Variants in GRM5 observed in about 807,000 individuals in gnomAD.
The protein encoded by GRM5 is glutamate metabotropic receptor 5, also known as metabotropic glutamate receptor 5.
A neutral mutation model predicts 83.1 loss-of-function variants in GRM5; 19 were observed. The ratio of observed to expected loss-of-function variants is 0.23; its 90% CI spans 0.16 to 0.34. The LOEUF (loss-of-function observed/expected upper bound fraction) is 0.34, where lower values mean the gene tolerates loss of function less well. Ranked by LOEUF, GRM5 falls within the 10% of genes least tolerant of loss-of-function variation. GRM5 has a pLI of 1.00. For missense variants in GRM5, 1,160 were observed against 1,588.3 expected, an observed-to-expected ratio of 0.73 and a Z score of 4.58; for synonymous variants, 675 against 633.6, an observed-to-expected ratio of 1.07 and a Z score of -0.98.
At chr11:88,711,272 T>G (rs1159517268) in intron 3 of GRM5, among the ~76,000 whole-genome samples, 2 of 152,078 alleles carry the variant, frequency 1.3e-5, no homozygotes, top group African/African-American at 4.8e-5. Flanking sequence ...CTCACTTGCC[T>G]TCCTCTGTCT....
At chr11:88,790,588 T>C (rs1324243929) in intron 3 of GRM5, among the ~76,000 whole-genome samples, 1 of 152,084 alleles carries the variant, frequency 6.6e-6, no homozygotes, top group Non-Finnish European at 1.5e-5. Flanking sequence ...AAAAAATAAA[T>C]ATATGAGGCT....
chr11:88,731,988 T>A (rs1007755730), intron 3 of GRM5, among the ~76,000 whole-genome samples: 1 of 152,000 alleles, frequency 6.6e-6, no homozygotes, highest in Non-Finnish European at 1.5e-5. Flanking sequence ...AAAAGTAAGA[T>A]TTGTCCAGAG....
intron 7 of GRM5, 51 bp from the exon 8 acceptor site, chr11:88,568,043 G>T (rs1367578374): frequency 8.3e-7 from 1 of 1,202,636 alleles, no homozygotes. Flanking sequence ...GTTGACTTGG[G>T]TCACATATCC....
intron 4 of GRM5, among the ~76,000 whole-genome samples, chr11:88,646,695 T>C (rs1428445441): frequency 2.6e-5 from 4 of 151,652 alleles, no homozygotes; most frequent in Admixed American, 2.6e-4. Flanking sequence ...AATGGGAAAG[T>C]CAAAAATCTT....
intron 2 of GRM5, among the ~76,000 whole-genome samples, chr11:88,918,358 C>T (rs1405718077): frequency 6.6e-6 from 1 of 151,902 alleles, no homozygotes; most frequent in Non-Finnish European, 1.5e-5. Flanking sequence ...GTGCAGCGCA[C>T]CAGCATGGCA....
At chr11:88,576,951 C>T (rs76776035) in intron 7 of GRM5, among the ~76,000 whole-genome samples, 125 of 152,226 alleles carry the variant, frequency 8.2e-4, no homozygotes, top group African/African-American at 2.2e-3. Flanking sequence ...CATAAAATTG[C>T]TTATTTTGCA....
At chr11:89,032,603 T>G (rs987417428) in intron 2 of GRM5, among the ~76,000 whole-genome samples, 2 of 152,038 alleles carry the variant, frequency 1.3e-5, no homozygotes, top group Non-Finnish European at 2.9e-5. Context: ...ACCCTTATTG[T>G]GTGCCAAGTA....
chr11:88,516,559 C>T (rs1591315662), intron 9 of GRM5, among the ~76,000 whole-genome samples: 1 of 152,186 alleles, frequency 6.6e-6, no homozygotes, highest in East Asian at 1.9e-4. Context: ...AGGCAAAAGA[C>T]TCCTTTCTGT....
chr11:88,518,963 A>G (rs1222528771), intron 9 of GRM5, among the ~76,000 whole-genome samples: 3 of 149,682 alleles, frequency 2.0e-5, no homozygotes, highest in Non-Finnish European at 4.4e-5. Context: ...AAAGTGAACC[A>G]TACATTTTTG....
intron 2 of GRM5, among the ~76,000 whole-genome samples, chr11:88,997,214 C>CAG: frequency 6.6e-6 from 1 of 151,548 alleles, no homozygotes; most frequent in Admixed American, 6.6e-5. Context: ...GTAATCCCAG[C>CAG]TACTTGGGAG....
chr11:88,696,778 G>T (rs1226649018), intron 3 of GRM5, among the ~76,000 whole-genome samples: 4 of 152,128 alleles, frequency 2.6e-5, no homozygotes, highest in Non-Finnish European at 5.9e-5. Flanking sequence ...CACAGTATTT[G>T]GCATGCAGTA....
chr11:88,956,995 A>G (rs2135687348), intron 2 of GRM5, among the ~76,000 whole-genome samples: 1 of 152,232 alleles, frequency 6.6e-6, no homozygotes, highest in East Asian at 1.9e-4. Flanking sequence ...ATTGTTTGTA[A>G]TTTAATAAAT....
At chr11:88,542,377 A>G (rs1378409224) in intron 8 of GRM5, among the ~76,000 whole-genome samples, 1 of 152,018 alleles carries the variant, frequency 6.6e-6, no homozygotes, top group Non-Finnish European at 1.5e-5. Context: ...ACAAACAAAC[A>G]AAAATCAAGT....
At chr11:88,806,678 GT>G (rs950606510) in intron 3 of GRM5, among the ~76,000 whole-genome samples, 2 of 152,272 alleles carry the variant, frequency 1.3e-5, no homozygotes, top group African/African-American at 4.8e-5. Flanking sequence ...TAATTATGGA[GT>G]AGATCAAGCT....
At chr11:88,754,179 A>G (rs938779289) in intron 3 of GRM5, among the ~76,000 whole-genome samples, 1 of 152,178 alleles carries the variant, frequency 6.6e-6, no homozygotes, top group Non-Finnish European at 1.5e-5. Flanking sequence ...AAATTAATGC[A>G]GGAACAGAAA....
intron 2 of GRM5, among the ~76,000 whole-genome samples, chr11:88,963,787 A>T (rs1591001459): frequency 6.6e-6 from 1 of 152,192 alleles, no homozygotes; most frequent in Non-Finnish European, 1.5e-5. Context: ...TTGAGACAGT[A>T]AGAGAGGCTG....
At chr11:88,884,940 C>A (rs1772717772) in intron 2 of GRM5, among the ~76,000 whole-genome samples, 2 of 152,158 alleles carry the variant, frequency 1.3e-5, no homozygotes, top group African/African-American at 4.8e-5. Flanking sequence ...TTATTACCAG[C>A]ATGAGATCAG....
At chr11:88,613,394 A>G (rs549709497) in intron 4 of GRM5, among the ~76,000 whole-genome samples, 11 of 152,312 alleles carry the variant, frequency 7.2e-5, no homozygotes, top group African/African-American at 2.4e-4. Flanking sequence ...TGTTGGATAC[A>G]TATACATTTA....
At chr11:88,701,833 G>A (rs1028795184) in intron 3 of GRM5, among the ~76,000 whole-genome samples, 3 of 152,108 alleles carry the variant, frequency 2.0e-5, no homozygotes, top group African/African-American at 7.2e-5. Context: ...GACAAGGAAG[G>A]CTGTTAACCA....
Sources: allele counts gnomAD v4.1 joint callset (sites outside exome capture counted in the v4.1 genomes callset), GRCh38; gene constraint gnomAD v4.1.1; transcripts MANE v1.5; gene names NCBI Gene and HGNC (gene_info 2026-07-23, HGNC 2026-07-21).